The following KANSL1L variants were observed in gnomAD, a reference collection of about 807,000 sequenced individuals.
KANSL1L encodes the protein KAT8 regulatory NSL complex subunit 1 like, also known as KAT8 regulatory NSL complex subunit 1-like protein.
In KANSL1L, 25 loss-of-function variants were observed where a neutral mutation model predicts 108.6. The ratio of observed to expected loss-of-function variants is 0.23; its 90% CI spans 0.17 to 0.32. The LOEUF (loss-of-function observed/expected upper bound fraction) is 0.32, where lower values mean the gene tolerates loss of function less well. KANSL1L is among the 10% of genes least tolerant of loss of function. The probability of loss-of-function intolerance (pLI) is 1.00; values close to 1 mark genes in which losing one functional copy is unlikely to be tolerated. For missense variants in KANSL1L, 1,137 were observed against 1,125.7 expected (o/e 1.01, Z -0.14); for synonymous variants, 405 against 395.1 (o/e 1.03, Z -0.30).
At chr2:210,085,959 A>G (rs931947297) in intron 5 of KANSL1L, among the ~76,000 whole-genome samples, 8 of 150,894 alleles carry the variant, frequency 5.3e-5, no homozygotes, top group African/African-American at 1.9e-4. Flanking sequence ...CATTCACAGG[A>G]ATCCAAAATT....
intron 1 of KANSL1L, among the ~76,000 whole-genome samples, chr2:210,165,878 G>A (rs1687928382): frequency 6.6e-6 from 1 of 152,166 alleles, no homozygotes. Context: ...AGTACAGTAA[G>A]GTAAGATATT....
intron 8 of KANSL1L, among the ~76,000 whole-genome samples, chr2:210,031,753 T>C (rs2094019801): frequency 6.6e-6 from 1 of 152,080 alleles, no homozygotes; most frequent in Non-Finnish European, 1.5e-5. Flanking sequence ...TTGAGGGGGA[T>C]GAAAAGGGAA....
chr2:210,144,144 C>T (rs1292139919), intron 2 of KANSL1L, among the ~76,000 whole-genome samples: 1 of 152,046 alleles, frequency 6.6e-6, no homozygotes, highest in Admixed American at 6.6e-5. Context: ...TTGAATATAT[C>T]ATCCCACACT....
At chr2:210,073,398 ATAAAT>A (rs2094520684) in intron 6 of KANSL1L, among the ~76,000 whole-genome samples, 1 of 152,122 alleles carries the variant, frequency 6.6e-6, no homozygotes, top group Non-Finnish European at 1.5e-5. Flanking sequence ...TAAAAACAAA[ATAAAT>A]TAAATATTCA....
intron 6 of KANSL1L, among the ~76,000 whole-genome samples, chr2:210,054,955 C>T (rs1000609271): frequency 1.3e-5 from 2 of 152,068 alleles, no homozygotes; most frequent in Admixed American, 6.6e-5. Context: ...TTGTAGAGTA[C>T]AAAATCAGTA....
rs368024198 is a variant in KANSL1L at position 210,098,227 on chromosome 2, C to A, written c.1429-20G>T. 1 of 1,602,350 alleles carries A rather than the reference C, an allele frequency of 6.2e-7. No individual in the cohort carries two copies. The highest frequency in any genetic ancestry group is 8.5e-7 in the Non-Finnish European group (1 of 1,175,000). Reference sequence around the variant, plus strand: ...TGCACTCTGCAAGGAAACAGTCAACCTTTTACTACTGCTAAGCAAGAAATG... The same window carrying A: ...TGCACTCTGCAAGGAAACAGTCAACATTTTACTACTGCTAAGCAAGAAATG... On this transcript the variant is annotated intron_variant, in intron 4 of 14. Transcript: ENST00000281772.
intron 6 of KANSL1L, among the ~76,000 whole-genome samples, chr2:210,057,698 A>C (rs2094367839): frequency 6.6e-6 from 1 of 152,200 alleles, no homozygotes; most frequent in South Asian, 2.1e-4. Flanking sequence ...GTGGATTGTG[A>C]AGATTTCATG....
intron 6 of KANSL1L, among the ~76,000 whole-genome samples, chr2:210,048,027 T>A (rs2094244586): frequency 6.6e-6 from 1 of 152,222 alleles, no homozygotes; most frequent in South Asian, 2.1e-4. Flanking sequence ...AAGAGTATAC[T>A]GAACAATGCC....
intron 8 of KANSL1L, among the ~76,000 whole-genome samples, chr2:210,037,514 A>G (rs997858829): frequency 6.6e-6 from 1 of 152,214 alleles, no homozygotes; most frequent in Non-Finnish European, 1.5e-5. Flanking sequence ...CCCTAAGCAT[A>G]GATAACTGTT....
chr2:210,140,748 G>A (rs1216242242), intron 2 of KANSL1L, among the ~76,000 whole-genome samples: 2 of 152,022 alleles, frequency 1.3e-5, no homozygotes, highest in African/African-American at 2.4e-5. Flanking sequence ...TGGGTTGTAT[G>A]GACATTTTAA....
At chr2:210,096,626 T>C in intron 5 of KANSL1L, 32 of 985,338 alleles carry the variant, frequency 3.2e-5, no homozygotes, top group Non-Finnish European at 3.7e-5. Context: ...ACCAATTTGA[T>C]GTGTTTTATG....
In KANSL1L at chr2:210,153,614, T is replaced by C. The variant is rs1403076260; in HGVS notation, c.969A>G (p.Arg323=). The change falls in exon 2 of 15, where the codon AGA becomes AGG. Residue 323 remains arginine, a synonymous_variant. Transcript: ENST00000281772. ...ACAGCCCTGTAGCAGAAAATGCAAATCTTTGGATTTCCGCAGCTGTACACC... is the reference window on the plus strand; with the variant it reads ...ACAGCCCTGTAGCAGAAAATGCAAACCTTTGGATTTCCGCAGCTGTACACC... ...FARCTAAEIQ[R]FAFSATGLLS... The C allele has an allele frequency of 1.9e-6, 3 of 1,613,724 alleles. No individual in the cohort carries two copies. Among genetic ancestry groups the C allele is most frequent in the Non-Finnish European group, 2.5e-6 (3 of 1,179,914 alleles).
chr2:210,160,032 T>C (rs1448964517), intron 1 of KANSL1L, among the ~76,000 whole-genome samples: 4 of 151,916 alleles, frequency 2.6e-5, no homozygotes, highest in Non-Finnish European at 4.4e-5. Flanking sequence ...CGAGACTCCG[T>C]CTCAAAAAAA....
At chr2:210,077,075 A>C (rs1038979027) in intron 5 of KANSL1L, among the ~76,000 whole-genome samples, 3 of 152,184 alleles carry the variant, frequency 2.0e-5, no homozygotes, top group East Asian at 1.9e-4. Flanking sequence ...TAAATAATTC[A>C]AGAATGCTTT....
chr2:210,142,303 G>A (rs2095236231), intron 2 of KANSL1L, among the ~76,000 whole-genome samples: 1 of 151,906 alleles, frequency 6.6e-6, no homozygotes, highest in Non-Finnish European at 1.5e-5. Context: ...TTGCATAATA[G>A]TCTCTTATGA....
intron 2 of KANSL1L, among the ~76,000 whole-genome samples, chr2:210,138,581 C>G (rs761459150): frequency 1.3e-5 from 2 of 152,060 alleles, no homozygotes; most frequent in Non-Finnish European, 2.9e-5. Context: ...TTGGGACTTA[C>G]GCTTTTTAAA....
At chr2:210,131,287 G>C (rs530124339) in intron 2 of KANSL1L, among the ~76,000 whole-genome samples, 1 of 152,154 alleles carries the variant, frequency 6.6e-6, no homozygotes, top group East Asian at 1.9e-4. Flanking sequence ...AAATGGCTTT[G>C]ACTGGGAAGG....
intron 3 of KANSL1L, among the ~76,000 whole-genome samples, chr2:210,106,762 C>CAAA (rs367609630): frequency 5.7e-5 from 7 of 123,490 alleles, no homozygotes; most frequent in Non-Finnish European, 9.8e-5. Flanking sequence ...GAGACTCTGT[C>CAAA]AAAAAAAAAA....
intron 5 of KANSL1L, among the ~76,000 whole-genome samples, chr2:210,087,698 T>C (rs1300899020): frequency 1.3e-5 from 2 of 152,196 alleles, no homozygotes; most frequent in East Asian, 3.8e-4. Context: ...CTGAAGCTTA[T>C]GTTCAAGTCC....
Sources: allele counts gnomAD v4.1 joint callset (sites outside exome capture counted in the v4.1 genomes callset), GRCh38; gene constraint gnomAD v4.1.1; transcripts MANE v1.5; gene names NCBI Gene and HGNC (gene_info 2026-07-23, HGNC 2026-07-21).